Variants in SV2C observed in about 807,000 individuals in gnomAD.
The protein encoded by SV2C is solute carrier family 22 member B3.
In SV2C, 49 loss-of-function variants were observed where a neutral mutation model predicts 79.7. That is an observed-to-expected ratio of 0.61 (90% CI 0.49 to 0.78). The LOEUF is 0.78. Ranked by LOEUF, SV2C falls within the 30% of genes least tolerant of loss-of-function variation. The probability of loss-of-function intolerance (pLI) is 0.00; values close to 1 mark genes in which losing one functional copy is unlikely to be tolerated. For missense variants in SV2C, 833 were observed against 912.9 expected (o/e 0.91, Z 1.13); for synonymous variants, 334 against 333.2 (o/e 1.00, Z -0.03).
the SV2C span, among the ~76,000 whole-genome samples, chr5:75,855,410 T>C: frequency 6.6e-6 from 1 of 152,146 alleles, no homozygotes; most frequent in African/African-American, 2.4e-5. Flanking sequence ...TTGTGATAGA[T>C]TCTTAAGGAT....
At chr5:75,903,576 C>T in the SV2C span, among the ~76,000 whole-genome samples, 1 of 152,164 alleles carries the variant, frequency 6.6e-6, no homozygotes. Context: ...TGAAGCCTAA[C>T]TGTATTAAAT....
chr5:76,183,191 T>G (rs1743806943), intron 2 of SV2C, among the ~76,000 whole-genome samples: 1 of 151,576 alleles, frequency 6.6e-6, no homozygotes, highest in South Asian at 2.1e-4. Flanking sequence ...ACCTGGCTAA[T>G]TTTTTGTATT....
At chr5:75,875,215 A>C in the SV2C span, among the ~76,000 whole-genome samples, 2 of 152,312 alleles carry the variant, frequency 1.3e-5, no homozygotes, top group African/African-American at 4.8e-5. Context: ...ACAGCACAGT[A>C]CTGGTACAAA....
rs1466019391 is a variant in SV2C at position 76,083,420 on chromosome 5, G to A, written c.-194G>A. On this transcript the variant is annotated 5_prime_UTR_variant, in exon 1 of 13. Coordinates refer to ENST00000502798, the MANE Select transcript of SV2C (RefSeq NM_014979.4). ...GCTGCAGGCGAGAGTGGCAGACGGA[G>A]GCAGCCCGGGGAAGCGAGCCGGAGC... 1.3e-5 allele frequency: 2 copies of A among 152,446 alleles called. No homozygotes were observed. The highest frequency in any genetic ancestry group is 4.8e-5 in the African/African-American group (2 of 41,474). The allele number at this position is 152,446 out of a possible 1,614,324, so 9.4% of individuals were successfully genotyped here.
intron 12 of SV2C, among the ~76,000 whole-genome samples, chr5:76,321,103 A>G (rs184654040): frequency 5.3e-5 from 8 of 152,336 alleles, no homozygotes; most frequent in African/African-American, 1.7e-4. Flanking sequence ...GTTGGATAAT[A>G]ACCACAATAA....
the SV2C span, among the ~76,000 whole-genome samples, chr5:75,870,264 C>T: frequency 6.6e-6 from 1 of 151,824 alleles, no homozygotes; most frequent in Non-Finnish European, 1.5e-5. Context: ...TTCAACATAA[C>T]ACAGAGAAGG....
chr5:75,936,685 A>G, the SV2C span, among the ~76,000 whole-genome samples: 1 of 152,190 alleles, frequency 6.6e-6, no homozygotes, highest in Non-Finnish European at 1.5e-5. Context: ...TGGTATTGAG[A>G]TATTCTTGAA....
At chr5:76,231,748 C>G (rs1446969498) in intron 4 of SV2C, among the ~76,000 whole-genome samples, 2 of 144,400 alleles carry the variant, frequency 1.4e-5, no homozygotes, top group Admixed American at 6.6e-5. Context: ...TCATCCATGT[C>G]CCTACAAAGG....
Position 76,330,154 on chromosome 5 carries a change from G to A in SV2C, c.*4607G>A, listed in dbSNP as rs1749134008. ...ATGGCGTAACAGTTCTCCGTGTGAT[G>A]TTCTTTTGCTCTAAATGTTGACCAT... On this transcript the variant is annotated 3_prime_UTR_variant, in exon 13 of 13. Transcript: ENST00000502798. The A allele has an allele frequency of 6.6e-6, 1 of 151,786 alleles. No homozygotes were observed. Among genetic ancestry groups the A allele is most frequent in the African/African-American group, 2.4e-5 (1 of 41,284 alleles). 9.4% of individuals were successfully genotyped at this position (151,786 alleles called of 1,614,324 possible).
intron 4 of SV2C, among the ~76,000 whole-genome samples, chr5:76,236,561 C>CAA (rs60992266): frequency 0.33 from 48,178 of 143,848 alleles, 8,168 homozygotes; most frequent in Non-Finnish European, 0.37. Context: ...GACCCTGTAT[C>CAA]AAAAAAATAA....
chr5:76,238,354 C>G (rs1371702675), intron 4 of SV2C, among the ~76,000 whole-genome samples: 1 of 151,540 alleles, frequency 6.6e-6, no homozygotes, highest in African/African-American at 2.4e-5. Flanking sequence ...TTAATCCAAC[C>G]TTTCATTGTT....
chr5:76,160,670 A>G (rs1239421187), intron 2 of SV2C, among the ~76,000 whole-genome samples: 4 of 152,248 alleles, frequency 2.6e-5, no homozygotes, highest in Non-Finnish European at 2.9e-5. Context: ...TATCCAGAAT[A>G]TGTAAAGAGC....
At chr5:75,967,805 A>T in the SV2C span, among the ~76,000 whole-genome samples, 2 of 152,204 alleles carry the variant, frequency 1.3e-5, no homozygotes, top group African/African-American at 2.4e-5. Context: ...TCCCTGTCTG[A>T]CAGCTTTGAA....
intron 12 of SV2C, among the ~76,000 whole-genome samples, chr5:76,348,915 C>T (rs1749593028): frequency 6.7e-6 from 1 of 149,314 alleles, no homozygotes; most frequent in African/African-American, 2.6e-5. Flanking sequence ...CAGAGAACAG[C>T]TTGAACCCAG....
chr5:75,920,990 T>C, the SV2C span: 1 of 705,006 alleles, frequency 1.4e-6, no homozygotes, highest in Admixed American at 2.1e-5. Flanking sequence ...TGCTGTGTGC[T>C]CCCCGTGCGA....
chr5:76,276,847 G>C (rs1023760426), intron 4 of SV2C, among the ~76,000 whole-genome samples: 5 of 151,992 alleles, frequency 3.3e-5, no homozygotes, highest in African/African-American at 1.2e-4. Flanking sequence ...GGGATTACAG[G>C]TGTGAGCCAA....
intron 3 of SV2C, among the ~76,000 whole-genome samples, chr5:76,201,811 G>A (rs1744449522): frequency 6.6e-6 from 1 of 152,064 alleles, no homozygotes; most frequent in Admixed American, 6.5e-5. Flanking sequence ...GAGGTCAGGA[G>A]ATCGAGACCA....
At chr5:76,021,660 G>C in the SV2C span, among the ~76,000 whole-genome samples, 6 of 152,316 alleles carry the variant, frequency 3.9e-5, no homozygotes, top group South Asian at 6.2e-4. Context: ...TGTTTATCCA[G>C]TAACATCAGT....
At chr5:76,029,573 C>T in the SV2C span, among the ~76,000 whole-genome samples, 2 of 152,182 alleles carry the variant, frequency 1.3e-5, no homozygotes, top group Non-Finnish European at 2.9e-5. Flanking sequence ...AAAATTCAGA[C>T]TACAGTACTA....
Sources: gnomAD v4.1 joint callset for allele counts (sites outside exome capture counted in the v4.1 genomes callset) on GRCh38, gnomAD v4.1.1 for gene constraint, MANE v1.5 for transcripts, NCBI Gene and HGNC (gene_info 2026-07-23, HGNC 2026-07-21) for gene names.